TRIM14: variants seen among roughly 807,000 people sequenced by gnomAD.
The protein encoded by TRIM14 is tripartite motif-containing protein 14.
TRIM14 carries 28 observed loss-of-function variants against 44.5 expected under a neutral mutation model. The ratio of observed to expected loss-of-function variants is 0.63; its 90% CI spans 0.47 to 0.86. The LOEUF (loss-of-function observed/expected upper bound fraction) is 0.86, where lower values mean the gene tolerates loss of function less well. TRIM14 is among the 40% of genes least tolerant of loss of function. The pLI, the probability that TRIM14 is intolerant of heterozygous loss-of-function variation, is 0.00. For synonymous variants in TRIM14, 299 were observed against 269.2 expected (o/e 1.11, Z -1.08); for missense variants, 607 against 611.1 (o/e 0.99, Z 0.07).
chr9:98,064,089 A>C, the TRIM14 span, among the ~76,000 whole-genome samples: 72 of 152,334 alleles, frequency 4.7e-4, 1 homozygote, highest in East Asian at 7.7e-4. Context: ...AGCTCAGGCC[A>C]GAGGTAATGG....
At chr9:98,116,845 CAAA>C (rs149202287) in intron 1 of TRIM14, among the ~76,000 whole-genome samples, 14 of 100,846 alleles carry the variant, frequency 1.4e-4, no homozygotes, top group South Asian at 3.3e-4. Flanking sequence ...CCCTGTGTCT[CAAA>C]AAAAAAAAAA....
At chr9:98,062,506 A>C in the TRIM14 span, among the ~76,000 whole-genome samples, 8 of 152,200 alleles carry the variant, frequency 5.3e-5, no homozygotes, top group Non-Finnish European at 1.0e-4. Flanking sequence ...TTAGAAAATG[A>C]GAAAAGGGAA....
Position 98,119,201 on chromosome 9 carries a change from C to T in TRIM14, c.-13G>A, listed in dbSNP as rs1827165474. On this transcript the variant is annotated 5_prime_UTR_variant, in exon 1 of 6. Transcript: ENST00000341469. ...CCGCGCCCGCCATTCATCTCCACCT[C>T]CTCCGGCTCCCCGGGACACAGGGCG... 1 of 1,566,656 alleles carries T rather than the reference C, an allele frequency of 6.4e-7. No individual in the cohort carries two copies. The highest frequency in any genetic ancestry group is 8.6e-7 in the Non-Finnish European group (1 of 1,167,162).
the TRIM14 span, chr9:98,061,189 G>A: frequency 1.7e-6 from 1 of 597,908 alleles, no homozygotes; most frequent in African/African-American, 1.9e-5. Flanking sequence ...AAAACACATT[G>A]TCTCTGGCCG....
At chr9:98,116,684 C>CA (rs796101827) in intron 1 of TRIM14, among the ~76,000 whole-genome samples, 54 of 147,206 alleles carry the variant, frequency 3.7e-4, no homozygotes, top group South Asian at 1.5e-3. Context: ...AAAAAAAATA[C>CA]AAAAAAAAAA....
At chr9:98,043,207 T>G in the TRIM14 span, among the ~76,000 whole-genome samples, 3 of 150,980 alleles carry the variant, frequency 2.0e-5, no homozygotes, top group South Asian at 6.3e-4. Flanking sequence ...AGATGGAATC[T>G]CGCTCTATTG....
intron 2 of TRIM14, among the ~76,000 whole-genome samples, chr9:98,101,260 A>C (rs6478562): frequency 0.024 from 3,635 of 151,878 alleles, 143 homozygotes; most frequent in African/African-American, 0.081. Flanking sequence ...CAGGCATGAG[A>C]CACCATGCCC....
At chr9:98,096,955 A>T (rs1488254327) in intron 3 of TRIM14, among the ~76,000 whole-genome samples, 1 of 152,160 alleles carries the variant, frequency 6.6e-6, no homozygotes, top group Non-Finnish European at 1.5e-5. Context: ...GCTCTTTGGG[A>T]GGCCAAGGTG....
chr9:98,094,043 C>G (rs1826095615), intron 4 of TRIM14, among the ~76,000 whole-genome samples: 1 of 152,172 alleles, frequency 6.6e-6, no homozygotes, highest in Non-Finnish European at 1.5e-5. Flanking sequence ...CACGCCCGGC[C>G]TTTATTATTC....
the TRIM14 span, among the ~76,000 whole-genome samples, chr9:98,062,213 A>T: frequency 6.6e-6 from 1 of 151,584 alleles, no homozygotes; most frequent in African/African-American, 2.4e-5. Flanking sequence ...CTCTTAATAA[A>T]AAAAAAAAAA....
At chr9:98,041,518 T>C in the TRIM14 span, among the ~76,000 whole-genome samples, 29 of 150,236 alleles carry the variant, frequency 1.9e-4, no homozygotes, top group African/African-American at 6.8e-4. Context: ...TGAGACTGAG[T>C]TTTGCTCTTT....
intron 2 of TRIM14, among the ~76,000 whole-genome samples, chr9:98,106,014 A>C (rs1373504378): frequency 6.6e-6 from 1 of 152,206 alleles, no homozygotes; most frequent in African/African-American, 2.4e-5. Context: ...AAAACTGAAA[A>C]ATAATATGAA....
At chr9:98,074,949 C>G (rs563682563) in intron 6 of TRIM14, 2 of 152,102 alleles carry the variant, frequency 1.3e-5, no homozygotes, top group Admixed American at 1.3e-4. Context: ...GATGTTTTTT[C>G]AGTTCTGTCT....
At chr9:98,079,291 A>G (rs1021802275) in intron 6 of TRIM14, among the ~76,000 whole-genome samples, 9 of 152,228 alleles carry the variant, frequency 5.9e-5, no homozygotes, top group African/African-American at 1.9e-4. Context: ...ATTCGAAAAT[A>G]TGTATGTAAT....
At chr9:98,105,789 G>T (rs1416975925) in intron 2 of TRIM14, among the ~76,000 whole-genome samples, 1 of 152,128 alleles carries the variant, frequency 6.6e-6, no homozygotes, top group Non-Finnish European at 1.5e-5. Context: ...CATTCCAGCT[G>T]AGAGTGGAAA....
At chr9:98,101,613 G>A (rs998841546) in intron 2 of TRIM14, among the ~76,000 whole-genome samples, 2 of 151,804 alleles carry the variant, frequency 1.3e-5, no homozygotes, top group Non-Finnish European at 2.9e-5. Context: ...GCAGAGACAG[G>A]GAGTCACTGT....
intron 5 of TRIM14, among the ~76,000 whole-genome samples, chr9:98,090,164 C>T (rs907247914): frequency 1.3e-5 from 2 of 152,022 alleles, no homozygotes; most frequent in East Asian, 1.9e-4. Flanking sequence ...GAATAAAGAT[C>T]GGGGAAATGA....
chr9:98,078,245 A>C, intron 6 of TRIM14: 1 of 1,614,058 alleles, frequency 6.2e-7, no homozygotes, highest in Non-Finnish European at 8.5e-7. Flanking sequence ...CCATGAAGCA[A>C]GTTTATCAGA....
chr9:98,048,747 G>C, the TRIM14 span, among the ~76,000 whole-genome samples: 1 of 152,134 alleles, frequency 6.6e-6, no homozygotes, highest in Non-Finnish European at 1.5e-5. Flanking sequence ...GAATAGGCTG[G>C]GCATGGTAGC....
Sources: gnomAD v4.1 joint callset for allele counts (sites outside exome capture counted in the v4.1 genomes callset) on GRCh38, gnomAD v4.1.1 for gene constraint, MANE v1.5 for transcripts, NCBI Gene and HGNC (gene_info 2026-07-23, HGNC 2026-07-21) for gene names.